Variants in PGLYRP3 observed in about 807,000 individuals in gnomAD.
PGLYRP3 encodes peptidoglycan recognition protein I alpha.
PGLYRP3 carries 39 observed loss-of-function variants against 36.0 expected under a neutral mutation model. The observed-to-expected ratio is 1.08, with a 90% CI of 0.84 to 1.41. The LOEUF is 1.41. PGLYRP3 is among the 40% of genes most tolerant of loss of function. The probability of loss-of-function intolerance (pLI) is 0.00; values close to 1 mark genes in which losing one functional copy is unlikely to be tolerated. For missense variants in PGLYRP3, 407 were observed against 427.9 expected, an observed-to-expected ratio of 0.95 and a Z score of 0.43; for synonymous variants, 204 against 172.8, an observed-to-expected ratio of 1.18 and a Z score of -1.42.
At chr1:153,311,832 T>C (rs943758968) in intron 1 of PGLYRP3, among the ~76,000 whole-genome samples, 4 of 152,240 alleles carry the variant, frequency 2.6e-5, no homozygotes, top group African/African-American at 9.6e-5. Flanking sequence ...GGAAGCCTCC[T>C]GGGTCAGGAC....
intron 3 of PGLYRP3, among the ~76,000 whole-genome samples, chr1:153,305,472 G>T (rs986817182): frequency 6.6e-6 from 1 of 152,122 alleles, no homozygotes; most frequent in Non-Finnish European, 1.5e-5. Context: ...CTTTTGTATT[G>T]ATGTTTTTCT....
At chr1:153,300,896 C>T (rs1557807670) in intron 6 of PGLYRP3, among the ~76,000 whole-genome samples, 1 of 152,288 alleles carries the variant, frequency 6.6e-6, no homozygotes, top group East Asian at 1.9e-4. Context: ...AAATAAAATA[C>T]TTATCTTTAT....
chr1:153,311,820 G>A (rs1296784433), intron 1 of PGLYRP3, among the ~76,000 whole-genome samples: 1 of 152,230 alleles, frequency 6.6e-6, no homozygotes, highest in Non-Finnish European at 1.5e-5. Context: ...AGTAGAACAT[G>A]TGGAAGCCTC....
rs947709826 is a variant in PGLYRP3, at chr1:153,312,826, C to G, written c.-225G>C. Among the ~76,000 whole-genome samples, 1 of 152,220 alleles carries G rather than the reference C, an allele frequency of 6.6e-6. No homozygotes were observed. The highest frequency in any genetic ancestry group is 2.4e-5 in the African/African-American group (1 of 41,472). On this transcript the variant is annotated 5_prime_UTR_variant, in exon 1 of 8. Coordinates refer to ENST00000683862, the MANE Select transcript of PGLYRP3 (RefSeq NM_052891.3). ...GCACTCCCTCCCTGGGAATGGAGCA[C>G]TTGGGCTCTGGCTTCCCAGAGAGAA...
intron 1 of PGLYRP3, 86 bp from the exon 2 acceptor site, chr1:153,310,792 C>G (rs1659876594): frequency 1.2e-6 from 1 of 852,358 alleles, no homozygotes; most frequent in Non-Finnish European, 1.9e-6. Flanking sequence ...TGTCTGCCTC[C>G]CCTACCATCC....
In PGLYRP3 at chr1:153,307,135, C is replaced by A. The variant is rs752144037; in HGVS notation, c.188G>T (p.Cys63Phe). The change falls in exon 3 of 8, where the codon TGC becomes TTC. Residue 63 changes from cysteine (C) to phenylalanine (F), a missense_variant. By Grantham distance (205) the Cys-to-Phe change is radical. Transcript: ENST00000683862. ...PGMQCQQQSV[C>F]SQMLRGLQSH... The stretch of plus-strand genomic sequence containing the variant: ...CTGCAACCCCCGCAGCATCTGGCTG[C>A]AAACGCTCTGCTGCTGGCACTGCAT... 1.1e-5 allele frequency: 18 copies of A among 1,613,128 alleles called. No individual in the cohort carries two copies. The highest frequency in any genetic ancestry group is 1.1e-5 in the South Asian group (1 of 90,750).
At position 153,307,068 on chromosome 1, in the gene PGLYRP3, G is replaced by A. The variant is rs759605919; in HGVS notation, c.255C>T (p.Tyr85=). The A allele has an allele frequency of 4.6e-5, 75 of 1,613,362 alleles. No homozygotes were observed. Among genetic ancestry groups the A allele is most frequent in the Non-Finnish European group, 6.3e-5 (74 of 1,179,756 alleles). ...CAGGGACTTGGCTAGCCTCTTACTTGTACGCCACGTCGCACCAGCCTATGG... is the reference window on the plus strand; with the variant it reads ...CAGGGACTTGGCTAGCCTCTTACTTATACGCCACGTCGCACCAGCCTATGG... ...VYTIGWCDVA[Y]NFLVGDDGRV... is the part of the protein sequence containing the mutation. The change falls in exon 3 of 8, where the codon TAC becomes TAT. Residue 85 remains tyrosine, a splice_region_variant and synonymous_variant. Coordinates refer to ENST00000683862, the MANE Select transcript of PGLYRP3 (RefSeq NM_052891.3).
intron 6 of PGLYRP3, among the ~76,000 whole-genome samples, chr1:153,301,025 C>T (rs1231913307): frequency 6.6e-6 from 1 of 152,324 alleles, no homozygotes; most frequent in African/African-American, 2.4e-5. Flanking sequence ...AGCGATCCTC[C>T]GTTTCAGCCT....
chr1:153,307,079 C>T lies in PGLYRP3; in HGVS notation c.244G>A (p.Asp82Asn), dbSNP rs751268521. The T allele has an allele frequency of 5.6e-6, 9 of 1,613,598 alleles. No homozygotes were observed. The Admixed American group carries it at 1.0e-4, about 18-fold the overall frequency. Residue 82 changes from aspartate to asparagine, a missense_variant, in exon 3 of 8, where the codon GAC becomes AAC. Coordinates refer to ENST00000683862, the MANE Select transcript of PGLYRP3 (RefSeq NM_052891.3). ...SHSVYTIGWC[D>N]VAYNFLVGDD... ...CTAGCCTCTTACTTGTACGCCACGT[C>T]GCACCAGCCTATGGTGTAGACGGAA...
At position 153,297,356 on chromosome 1, in the gene PGLYRP3, T is replaced by G. The variant is rs1203552401; in HGVS notation, c.*600A>C. Among the ~76,000 whole-genome samples the G allele has an allele frequency of 2.5e-5, 3 of 120,432 alleles. No homozygotes were observed. Among genetic ancestry groups the G allele is most frequent in the African/African-American group, 3.4e-5 (1 of 29,280 alleles). 79.0% of individuals were successfully genotyped at this position (120,432 alleles called of 152,430 possible). ...TCCATGTGTGAGCAGAGAGGGGGGG[T>G]GGGCACACTGACCTAGGTCATGGGT... is the stretch of plus-strand genomic sequence containing the variant. On this transcript the variant is annotated 3_prime_UTR_variant, in exon 8 of 8. Transcript: ENST00000683862.
intron 6 of PGLYRP3, among the ~76,000 whole-genome samples, chr1:153,302,139 G>T (rs559577357): frequency 2.0e-5 from 3 of 152,222 alleles, no homozygotes; most frequent in Admixed American, 6.5e-5. Context: ...CTTCCCTGAG[G>T]GTATCACAGT....
rs745466234 is a variant in PGLYRP3 at position 153,298,014 on chromosome 1, A to G, written c.968T>C (p.Leu323Pro). ...LMGHSDVVNILSPGQALYNII... is the reference protein window; with the variant it reads ...LMGHSDVVNIPSPGQALYNII... ...GTTATACAAAGCCTGCCCAGGGGACAGGATGTTGACCACGTCACTGTGGCC... is the reference window on the plus strand; with the variant it reads ...GTTATACAAAGCCTGCCCAGGGGACGGGATGTTGACCACGTCACTGTGGCC... Residue 323 changes from leucine to proline, a missense_variant, in exon 8 of 8, where the codon CTG (leucine) becomes CCG (proline). Coordinates refer to ENST00000683862, the MANE Select transcript of PGLYRP3 (RefSeq NM_052891.3). 2.0e-5 allele frequency: 32 copies of G among 1,614,110 alleles called. No homozygotes were observed. The highest frequency in any genetic ancestry group is 2.7e-5 in the Non-Finnish European group (32 of 1,180,016).
At chr1:153,308,215 C>T (rs1432662495) in intron 2 of PGLYRP3, among the ~76,000 whole-genome samples, 4 of 152,118 alleles carry the variant, frequency 2.6e-5, no homozygotes, top group South Asian at 2.1e-4. Context: ...AGAATGGTCT[C>T]GATCTCGTGA....
At chr1:153,309,528 G>A (rs1430658620) in intron 2 of PGLYRP3, among the ~76,000 whole-genome samples, 2 of 152,208 alleles carry the variant, frequency 1.3e-5, no homozygotes, top group Admixed American at 6.5e-5. Context: ...CAAAGTCACT[G>A]AGGGTCTCCA....
chr1:153,298,214 G>C lies in PGLYRP3; in HGVS notation c.848-80C>G, dbSNP rs961329805. On this transcript the variant is annotated intron_variant, in intron 7 of 7. Transcript: ENST00000683862. ...GGAAGGGACAAGCACCTAGATTCCA[G>C]TTTCTTTCTTCCTCCACCACGCCCC... 17 of 1,484,034 alleles carry C rather than the reference G, an allele frequency of 1.1e-5. No individual in the cohort carries two copies. In the African/African-American group the frequency reaches 2.0e-4, roughly 17 times the overall value. The allele number at this position is 1,484,034 out of a possible 1,614,324, so 91.9% of individuals were successfully genotyped here.
At chr1:153,304,693 G>A (rs889927040) in intron 4 of PGLYRP3, among the ~76,000 whole-genome samples, 8 of 152,234 alleles carry the variant, frequency 5.3e-5, no homozygotes, top group African/African-American at 1.9e-4. Flanking sequence ...AGAAGTGACA[G>A]CAATAACCGT....
intron 6 of PGLYRP3, among the ~76,000 whole-genome samples, chr1:153,301,437 T>C (rs1659595662): frequency 6.6e-6 from 1 of 152,192 alleles, no homozygotes; most frequent in African/African-American, 2.4e-5. Context: ...TTTTGAAAAG[T>C]CAAGGAACGG....
intron 2 of PGLYRP3, among the ~76,000 whole-genome samples, chr1:153,307,636 A>G (rs1179184343): frequency 3.3e-5 from 5 of 152,166 alleles, no homozygotes; most frequent in South Asian, 2.1e-4. Context: ...TTAGCCCAGA[A>G]GCCTGAGGAT....
In PGLYRP3 at chr1:153,307,211, C is replaced by A. The variant is rs1571106749; in HGVS notation, c.112G>T (p.Ala38Ser). ...TAGGCCACAGGCAGGGTCAGCAGGGCCCTGCAGGCGAGCGGTCTTGCCCCC... is the reference window on the plus strand; with the variant it reads ...TAGGCCACAGGCAGGGTCAGCAGGGACCTGCAGGCGAGCGGTCTTGCCCCC... ...EWGARPLACRALLTLPVAYII... is the reference protein window; with the variant it reads ...EWGARPLACRSLLTLPVAYII... The change falls in exon 3 of 8, where the codon GCC becomes TCC. Residue 38 changes from alanine to serine, a missense_variant. By Grantham distance (99) the Ala-to-Ser change is moderately conservative. Coordinates refer to ENST00000683862, the MANE Select transcript of PGLYRP3 (RefSeq NM_052891.3). 1 of 1,611,570 alleles carries A rather than the reference C, an allele frequency of 6.2e-7. No individual in the cohort carries two copies. The highest frequency in any genetic ancestry group is 8.5e-7 in the Non-Finnish European group (1 of 1,179,134).
Sources: gnomAD v4.1 joint callset for allele counts (sites outside exome capture counted in the v4.1 genomes callset) on GRCh38, gnomAD v4.1.1 for gene constraint, MANE v1.5 for transcripts, NCBI Gene and HGNC (gene_info 2026-07-23, HGNC 2026-07-21) for gene names.